Variants in MAGI2 observed in about 807,000 individuals in gnomAD.
MAGI2 encodes the protein membrane-associated guanylate kinase, WW and PDZ domain-containing protein 2.
Under a neutral mutation model 133.3 loss-of-function variants are expected in MAGI2, and 35 were observed. The observed-to-expected ratio is 0.26, with a 90% CI of 0.20 to 0.35. MAGI2 has a LOEUF of 0.35. MAGI2 is among the 10% of genes least tolerant of loss of function. MAGI2 has a pLI of 1.00. For synonymous variants in MAGI2, 729 were observed against 710.6 expected (o/e 1.03, Z -0.41); for missense variants, 1,636 against 1,863.4 (o/e 0.88, Z 2.25).
intron 1 of MAGI2, among the ~76,000 whole-genome samples, chr7:79,158,445 T>C (rs1824033555): frequency 6.6e-6 from 1 of 152,100 alleles, no homozygotes; most frequent in African/African-American, 2.4e-5. Flanking sequence ...TTAAAGTTAT[T>C]GGTAAAATGA....
intron 2 of MAGI2, among the ~76,000 whole-genome samples, chr7:78,746,981 T>A (rs1177345396): frequency 6.6e-6 from 1 of 152,210 alleles, no homozygotes; most frequent in African/African-American, 2.4e-5. Flanking sequence ...TAAAGACCAC[T>A]AATCAATTTC....
intron 21 of MAGI2, among the ~76,000 whole-genome samples, chr7:78,074,163 T>C (rs115075878): frequency 6.6e-6 from 1 of 152,182 alleles, no homozygotes; most frequent in African/African-American, 2.4e-5. Flanking sequence ...TTGGCTGAGG[T>C]GGCACCTGAC....
intron 1 of MAGI2, among the ~76,000 whole-genome samples, chr7:79,452,687 A>G (rs1450729602): frequency 4.0e-5 from 6 of 151,770 alleles, no homozygotes; most frequent in African/African-American, 1.5e-4. Flanking sequence ...TCCCTTCCCC[A>G]AAAGCTCTTC....
At chr7:78,110,581 G>A (rs1279895378) in intron 20 of MAGI2, among the ~76,000 whole-genome samples, 8 of 152,122 alleles carry the variant, frequency 5.3e-5, no homozygotes, top group African/African-American at 9.7e-5. Context: ...GTTTTATTAC[G>A]GGACCCAGCA....
intron 2 of MAGI2, among the ~76,000 whole-genome samples, chr7:78,710,225 A>T (rs768700209): frequency 7.3e-6 from 1 of 136,124 alleles, no homozygotes; most frequent in Non-Finnish European, 1.7e-5. Context: ...TGAAATTCAG[A>T]TAAGTTAGTA....
intron 1 of MAGI2, among the ~76,000 whole-genome samples, chr7:79,351,250 G>T (rs1002121932): frequency 2.6e-5 from 4 of 152,104 alleles, no homozygotes; most frequent in African/African-American, 9.7e-5. Context: ...AAATTAAGTA[G>T]GATTTATAGT....
intron 1 of MAGI2, among the ~76,000 whole-genome samples, chr7:79,045,213 G>A (rs1397234749): frequency 6.6e-6 from 1 of 152,138 alleles, no homozygotes; most frequent in Admixed American, 6.5e-5. Flanking sequence ...TGGCTTCCTA[G>A]GGGTGAGGAT....
chr7:78,296,277 C>G (rs925699724), intron 9 of MAGI2, among the ~76,000 whole-genome samples: 23 of 152,174 alleles, frequency 1.5e-4, no homozygotes, highest in African/African-American at 5.5e-4. Flanking sequence ...AGGCAATCAT[C>G]TCTGTAATCT....
chr7:78,410,472 A>G (rs1797772340), intron 6 of MAGI2, among the ~76,000 whole-genome samples: 1 of 152,016 alleles, frequency 6.6e-6, no homozygotes, highest in African/African-American at 2.4e-5. Flanking sequence ...TTTCCATGGC[A>G]GCATTTCTCA....
intron 1 of MAGI2, among the ~76,000 whole-genome samples, chr7:79,327,806 G>GA (rs1179220002): frequency 6.6e-6 from 1 of 152,014 alleles, no homozygotes; most frequent in Non-Finnish European, 1.5e-5. Context: ...TTATAATGCA[G>GA]AAAAATCTAC....
chr7:78,498,920 G>A (rs1161522558), intron 5 of MAGI2, among the ~76,000 whole-genome samples: 2 of 152,028 alleles, frequency 1.3e-5, no homozygotes, highest in African/African-American at 4.8e-5. Context: ...GTCTCCCTCA[G>A]CATCAGCTCT....
chr7:78,303,285 A>G (rs1797988173), intron 9 of MAGI2, among the ~76,000 whole-genome samples: 1 of 149,274 alleles, frequency 6.7e-6, no homozygotes, highest in African/African-American at 2.5e-5. Flanking sequence ...AAGTTGAGAC[A>G]GGAGAATCTC....
chr7:78,555,199 T>TA (rs1461982574), intron 3 of MAGI2, among the ~76,000 whole-genome samples: 4 of 111,934 alleles, frequency 3.6e-5, no homozygotes, highest in African/African-American at 3.9e-5. Flanking sequence ...GTTGGATGGA[T>TA]GGATAGATAG....
intron 1 of MAGI2, chr7:79,410,001 AT>A (rs1416666659): frequency 6.6e-6 from 1 of 152,118 alleles, no homozygotes; most frequent in African/African-American, 2.4e-5. Context: ...AGAAATCACA[AT>A]TTTTCAAAGG....
At chr7:78,702,530 T>A (rs1818185899) in intron 2 of MAGI2, among the ~76,000 whole-genome samples, 1 of 152,148 alleles carries the variant, frequency 6.6e-6, no homozygotes, top group African/African-American at 2.4e-5. Context: ...AAAGATTAAG[T>A]GACTTAATAC....
At chr7:79,115,799 T>A (rs897662488) in intron 1 of MAGI2, among the ~76,000 whole-genome samples, 1 of 151,564 alleles carries the variant, frequency 6.6e-6, no homozygotes, top group Non-Finnish European at 1.5e-5. Flanking sequence ...AGTATAGCCA[T>A]TTTGGTTATT....
At chr7:78,777,969 G>A (rs951979630) in intron 2 of MAGI2, among the ~76,000 whole-genome samples, 7 of 152,068 alleles carry the variant, frequency 4.6e-5, no homozygotes, top group Non-Finnish European at 8.8e-5. Context: ...TGACTGAAAG[G>A]ACCAAAGCAC....
intron 1 of MAGI2, among the ~76,000 whole-genome samples, chr7:79,077,510 G>C (rs1815586138): frequency 6.7e-6 from 1 of 148,160 alleles, no homozygotes; most frequent in Admixed American, 6.8e-5. Flanking sequence ...GGCCGGTGGA[G>C]CTTGCAGTGA....
intron 2 of MAGI2, among the ~76,000 whole-genome samples, chr7:78,662,088 C>T (rs1463234417): frequency 6.6e-6 from 1 of 152,092 alleles, no homozygotes; most frequent in Non-Finnish European, 1.5e-5. Flanking sequence ...GTAGAGTTTT[C>T]TTTAAAAACT....
Sources: gnomAD v4.1 joint callset for allele counts (sites outside exome capture counted in the v4.1 genomes callset) on GRCh38, gnomAD v4.1.1 for gene constraint, MANE v1.5 for transcripts, NCBI Gene and HGNC (gene_info 2026-07-23, HGNC 2026-07-21) for gene names.